PTPRD: variants seen among roughly 807,000 people sequenced by gnomAD.
PTPRD encodes the protein protein tyrosine phosphatase receptor type D.
PTPRD carries 34 observed loss-of-function variants against 214.5 expected under a neutral mutation model. The ratio of observed to expected loss-of-function variants is 0.16; its 90% CI spans 0.12 to 0.21. PTPRD has a LOEUF of 0.21. Among genes scored for constraint, PTPRD ranks in the 10% least tolerant of loss-of-function variants. PTPRD has a pLI of 1.00. For synonymous variants in PTPRD, 1,128 were observed against 845.7 expected (o/e 1.33, Z -5.79); for missense variants, 2,545 against 2,398.7 (o/e 1.06, Z -1.27).
chr9:8,597,369 T>C (rs1428200876), intron 14 of PTPRD, among the ~76,000 whole-genome samples: 3 of 152,144 alleles, frequency 2.0e-5, no homozygotes, highest in Admixed American at 2.0e-4. Flanking sequence ...CCAATTATGT[T>C]TCAGTTCTAT....
intron 3 of PTPRD, among the ~76,000 whole-genome samples, chr9:10,087,900 A>G (rs1204008026): frequency 6.6e-6 from 1 of 151,740 alleles, no homozygotes; most frequent in African/African-American, 2.4e-5. Context: ...TTCTCATGTA[A>G]GCATAATCAT....
intron 14 of PTPRD, among the ~76,000 whole-genome samples, chr9:8,598,316 G>C (rs1045915837): frequency 1.3e-5 from 2 of 151,882 alleles, no homozygotes; most frequent in African/African-American, 4.8e-5. Flanking sequence ...GCCCAGTATG[G>C]TGGCATGCTC....
intron 2 of PTPRD, among the ~76,000 whole-genome samples, chr9:10,494,128 A>G (rs1028321377): frequency 2.0e-5 from 3 of 151,906 alleles, no homozygotes; most frequent in African/African-American, 7.2e-5. Context: ...ACTCCTTTTC[A>G]ATATATTTAC....
chr9:9,124,593 T>G (rs2099823635), intron 10 of PTPRD, among the ~76,000 whole-genome samples: 1 of 152,132 alleles, frequency 6.6e-6, no homozygotes, highest in African/African-American at 2.4e-5. Context: ...TACAAAGAAC[T>G]AACAAAACCG....
intron 5 of PTPRD, among the ~76,000 whole-genome samples, chr9:9,908,641 T>C (rs2078299001): frequency 6.6e-6 from 1 of 152,064 alleles, no homozygotes; most frequent in Non-Finnish European, 1.5e-5. Flanking sequence ...GTCTTTAAAA[T>C]ATATACTTTC....
intron 10 of PTPRD, among the ~76,000 whole-genome samples, chr9:9,164,400 A>C (rs2099897328): frequency 6.6e-6 from 1 of 152,122 alleles, no homozygotes; most frequent in Admixed American, 6.6e-5. Context: ...CTTGGTGATT[A>C]CATTGGGCCC....
intron 39 of PTPRD, among the ~76,000 whole-genome samples, chr9:8,358,924 G>A (rs959941315): frequency 6.6e-6 from 1 of 150,848 alleles, no homozygotes; most frequent in Non-Finnish European, 1.5e-5. Flanking sequence ...TGGCTAACAC[G>A]GTGAAACCCC....
At chr9:9,580,610 G>A (rs1334133852) in intron 7 of PTPRD, among the ~76,000 whole-genome samples, 5 of 141,062 alleles carry the variant, frequency 3.5e-5, no homozygotes, top group Non-Finnish European at 6.0e-5. Flanking sequence ...GTGCAGTGGT[G>A]TGATCTCTGC....
At chr9:9,197,418 G>C (rs2099939238) in intron 9 of PTPRD, among the ~76,000 whole-genome samples, 1 of 151,998 alleles carries the variant, frequency 6.6e-6, no homozygotes, top group Admixed American at 6.6e-5. Flanking sequence ...GTCTCCACAT[G>C]TCATTATTTT....
intron 12 of PTPRD, among the ~76,000 whole-genome samples, chr9:8,694,485 A>G (rs1268113012): frequency 1.3e-5 from 2 of 152,182 alleles, no homozygotes; most frequent in Non-Finnish European, 2.9e-5. Context: ...GGGATTTGGT[A>G]TTTTCCATAG....
intron 7 of PTPRD, among the ~76,000 whole-genome samples, chr9:9,616,292 G>T (rs973618627): frequency 6.6e-6 from 1 of 152,010 alleles, no homozygotes; most frequent in Non-Finnish European, 1.5e-5. Context: ...CCTAAAATTC[G>T]AATTTAACTC....
intron 35 of PTPRD, among the ~76,000 whole-genome samples, chr9:8,423,226 C>T (rs1298117121): frequency 6.6e-6 from 1 of 152,180 alleles, no homozygotes; most frequent in Non-Finnish European, 1.5e-5. Flanking sequence ...TCTGCCTCGT[C>T]AATCCGGCTC....
At chr9:10,239,795 C>G (rs2099641238) in intron 3 of PTPRD, among the ~76,000 whole-genome samples, 1 of 151,888 alleles carries the variant, frequency 6.6e-6, no homozygotes, top group Admixed American at 6.6e-5. Flanking sequence ...GCCTCAGAAG[C>G]AGTTTCTCTC....
chr9:9,939,788 T>C (rs1052887586), intron 4 of PTPRD, among the ~76,000 whole-genome samples: 3 of 152,166 alleles, frequency 2.0e-5, no homozygotes, highest in Non-Finnish European at 4.4e-5. Flanking sequence ...GTTTTTTCTA[T>C]GCAGTACGAT....
At chr9:8,614,530 T>C (rs532826951) in intron 14 of PTPRD, among the ~76,000 whole-genome samples, 2 of 152,186 alleles carry the variant, frequency 1.3e-5, no homozygotes, top group African/African-American at 2.4e-5. Flanking sequence ...AGATAATCAC[T>C]TAAGTACTCT....
intron 2 of PTPRD, among the ~76,000 whole-genome samples, chr9:10,376,040 T>TA (rs1474264204): frequency 6.6e-6 from 1 of 152,016 alleles, no homozygotes; most frequent in African/African-American, 2.4e-5. Flanking sequence ...TTATCAAAGA[T>TA]ATTTTACTGA....
chr9:9,673,873 T>C (rs1218043710), intron 7 of PTPRD, among the ~76,000 whole-genome samples: 1 of 151,532 alleles, frequency 6.6e-6, no homozygotes, highest in Non-Finnish European at 1.5e-5. Flanking sequence ...CCAAAGACAA[T>C]AATATATCAT....
intron 2 of PTPRD, among the ~76,000 whole-genome samples, chr9:10,464,973 C>G (rs961708390): frequency 1.3e-5 from 2 of 152,038 alleles, no homozygotes; most frequent in Non-Finnish European, 2.9e-5. Flanking sequence ...AATTCAGTAA[C>G]AAACAAGGCT....
At chr9:9,596,459 T>C (rs1443234194) in intron 7 of PTPRD, among the ~76,000 whole-genome samples, 1 of 152,020 alleles carries the variant, frequency 6.6e-6, no homozygotes, top group African/African-American at 2.4e-5. Flanking sequence ...GTAGAAAATC[T>C]TGCCTTTTTA....
Sources: gnomAD v4.1 joint callset for allele counts (sites outside exome capture counted in the v4.1 genomes callset) on GRCh38, gnomAD v4.1.1 for gene constraint, MANE v1.5 for transcripts, NCBI Gene and HGNC (gene_info 2026-07-23, HGNC 2026-07-21) for gene names.